USP32: variants seen among roughly 807,000 people sequenced by gnomAD.
USP32 encodes ubiquitin carboxyl-terminal hydrolase 32.
A neutral mutation model predicts 204.8 loss-of-function variants in USP32; 59 were observed. That is an observed-to-expected ratio of 0.29 (90% CI 0.23 to 0.36). The LOEUF (loss-of-function observed/expected upper bound fraction) is 0.36. USP32 is among the 10% of genes least tolerant of loss of function. USP32 has a pLI of 1.00. For synonymous variants in USP32, 517 were observed against 678.4 expected (o/e 0.76, Z 3.70); for missense variants, 1,160 against 1,946.4 (o/e 0.60, Z 7.60).
intron 5 of USP32, among the ~76,000 whole-genome samples, chr17:60,279,539 T>C (rs2086916032): frequency 6.7e-6 from 1 of 149,598 alleles, no homozygotes; most frequent in East Asian, 2.0e-4. Context: ...ACAAATAAAA[T>C]CTGAAGTATT....
intron 1 of USP32, among the ~76,000 whole-genome samples, chr17:60,349,654 CATATATAT>C (rs1232012996): frequency 9.9e-4 from 73 of 74,014 alleles, no homozygotes; most frequent in African/African-American, 6.0e-3. Context: ...TATATATATA[CATATATAT>C]ACACATATAT....
chr17:60,348,996 G>A (rs1453310174), intron 1 of USP32, among the ~76,000 whole-genome samples: 3 of 151,776 alleles, frequency 2.0e-5, no homozygotes, highest in Admixed American at 6.6e-5. Context: ...CTTTGGCTGC[G>A]GAATATGTAT....
intron 5 of USP32, among the ~76,000 whole-genome samples, chr17:60,282,514 C>A (rs1312168845): frequency 6.6e-6 from 1 of 152,112 alleles, no homozygotes; most frequent in East Asian, 1.9e-4. Flanking sequence ...CCACTACACC[C>A]GGCTAATTTT....
At chr17:60,310,405 A>C (rs2087826029) in intron 2 of USP32, among the ~76,000 whole-genome samples, 1 of 152,224 alleles carries the variant, frequency 6.6e-6, no homozygotes, top group Admixed American at 6.5e-5. Context: ...AACATTATTC[A>C]GCCAGAAAAA....
chr17:60,389,097 G>T (rs73322606), intron 1 of USP32, among the ~76,000 whole-genome samples: 135 of 152,224 alleles, frequency 8.9e-4, no homozygotes, highest in African/African-American at 2.8e-3. Flanking sequence ...GCACACACTG[G>T]ACTAATGTGT....
chr17:60,288,388 C>T, intron 5 of USP32, 135 bp downstream of exon 5: 1 of 1,066,178 alleles, frequency 9.4e-7, no homozygotes, highest in South Asian at 2.0e-5. Flanking sequence ...TGCCGTAAGC[C>T]ACGATGGTGC....
intron 2 of USP32, among the ~76,000 whole-genome samples, chr17:60,321,841 A>G (rs1352079466): frequency 6.6e-6 from 1 of 150,748 alleles, no homozygotes; most frequent in Non-Finnish European, 1.5e-5. Flanking sequence ...AATCATTAAC[A>G]CCTCAGTGGT....
At chr17:60,309,397 C>T (rs780359102) in intron 2 of USP32, among the ~76,000 whole-genome samples, 10 of 152,044 alleles carry the variant, frequency 6.6e-5, no homozygotes, top group Non-Finnish European at 1.5e-4. Flanking sequence ...CTCAGGAGTT[C>T]GAGACCAGCC....
chr17:60,234,638 A>G (rs1401090405), intron 12 of USP32, among the ~76,000 whole-genome samples: 1 of 151,544 alleles, frequency 6.6e-6, no homozygotes, highest in Non-Finnish European at 1.5e-5. Flanking sequence ...GCTGAGGCAG[A>G]AGAATGGCGT....
intron 2 of USP32, among the ~76,000 whole-genome samples, chr17:60,313,790 T>A (rs2087909491): frequency 6.6e-6 from 1 of 152,140 alleles, no homozygotes; most frequent in Admixed American, 6.5e-5. Context: ...GATTAGCTAA[T>A]CTGTGATTAA....
In USP32 at chr17:60,283,298, G is replaced by A. The variant is rs78013849; in HGVS notation, c.571+5225C>T. The stretch of plus-strand genomic sequence containing the variant: ...GCAAAGAACACACGTGAGGAGAAAT[G>A]AGCATGGGAAATTAAGTCAAGGATA... On this transcript the variant is annotated intron_variant, in intron 5 of 33. Coordinates refer to ENST00000300896, the MANE Select transcript of USP32 (RefSeq NM_032582.4). Among the ~76,000 whole-genome samples the A allele has an allele frequency of 2.2e-4, 34 of 152,332 alleles. No homozygotes were observed. In the East Asian group the frequency reaches 6.2e-3, roughly 28 times the overall value.
intron 16 of USP32, among the ~76,000 whole-genome samples, chr17:60,215,809 G>C (rs1461887435): frequency 6.6e-6 from 1 of 151,990 alleles, no homozygotes; most frequent in South Asian, 2.1e-4. Context: ...GCTGTAGTGC[G>C]GTGCGGCAAT....
At chr17:60,409,818 T>C (rs148514385) in intron 1 of USP32, among the ~76,000 whole-genome samples, 62 of 152,238 alleles carry the variant, frequency 4.1e-4, no homozygotes, top group African/African-American at 1.4e-3. Context: ...ACACTAACAC[T>C]AATGATAGCT....
At chr17:60,185,677 A>T (rs1392430367) in intron 29 of USP32, 26 bp from the exon 30 acceptor site, 8 of 1,596,828 alleles carry the variant, frequency 5.0e-6, no homozygotes, top group Non-Finnish European at 6.0e-6. Context: ...ACAGGAGGAA[A>T]GGGGTGCGTG....
chr17:60,283,038 G>A (rs767487136), intron 5 of USP32, among the ~76,000 whole-genome samples: 6 of 152,186 alleles, frequency 3.9e-5, no homozygotes, highest in Non-Finnish European at 7.3e-5. Context: ...AATATAAAGT[G>A]TTGCAGAAAT....
intron 12 of USP32, among the ~76,000 whole-genome samples, chr17:60,234,601 G>A (rs1212659228): frequency 6.6e-6 from 1 of 151,530 alleles, no homozygotes; most frequent in East Asian, 2.0e-4. Context: ...GTGGTGGCAC[G>A]TGCCTGTAGT....
At chr17:60,356,698 C>G (rs568183021) in intron 1 of USP32, among the ~76,000 whole-genome samples, 1 of 152,214 alleles carries the variant, frequency 6.6e-6, no homozygotes, top group South Asian at 2.1e-4. Context: ...GGTAGGGAAT[C>G]CAATTTCCAG....
intron 30 of USP32, 112 bp downstream of exon 30, chr17:60,185,348 C>T (rs2084223819): frequency 2.3e-6 from 3 of 1,279,954 alleles, no homozygotes; most frequent in Admixed American, 5.0e-5. Context: ...GTGTTTTAAA[C>T]ACTGCTGCAG....
chr17:60,252,326 C>G, intron 11 of USP32, 55 bp downstream of exon 11: 1 of 1,325,334 alleles, frequency 7.5e-7, no homozygotes, highest in South Asian at 1.3e-5. Context: ...CCTCAGTAAC[C>G]AATATATTTC....
Sources: gnomAD v4.1 joint callset for allele counts (sites outside exome capture counted in the v4.1 genomes callset) on GRCh38, gnomAD v4.1.1 for gene constraint, MANE v1.5 for transcripts, NCBI Gene and HGNC (gene_info 2026-07-23, HGNC 2026-07-21) for gene names.